Variants in VPS33B observed in about 807,000 individuals in gnomAD.
The protein encoded by VPS33B is VPS33B late endosome and lysosome associated, also known as vacuolar protein sorting-associated protein 33B.
VPS33B carries 80 observed loss-of-function variants against 95.3 expected under a neutral mutation model. The ratio of observed to expected loss-of-function variants is 0.84; its 90% CI spans 0.70 to 1.01. The LOEUF is 1.01. Among genes scored for constraint, VPS33B ranks in the 50% least tolerant of loss-of-function variants. The pLI is 0.00. For synonymous variants in VPS33B, 280 were observed against 280.4 expected, an observed-to-expected ratio of 1.00 and a Z score of 0.01; for missense variants, 715 against 773.4, an observed-to-expected ratio of 0.92 and a Z score of 0.90.
chr15:90,999,318 GTTTT>G lies in VPS33B; in HGVS notation c.1775-268_1775-265del, dbSNP rs199831273. 1 of 405,644 alleles carries G rather than the reference GTTTT, an allele frequency of 2.5e-6. No homozygotes were observed. The highest frequency in any genetic ancestry group is 4.5e-6 in the Non-Finnish European group (1 of 220,104). The allele number at this position is 405,644 out of a possible 1,614,324, so 25.1% of individuals were successfully genotyped here. ...TATTCCTGTGCAGGACACTTTGCGT[GTTTT>G]TTTTTTTTCTCTTGAGATGGAGTTT... On this transcript the variant is annotated intron_variant, in intron 22 of 22. Transcript: ENST00000333371. This position sits in a 1 kb window ranked among gnomAD's most constrained non-coding sequence, Gnocchi z 5.1.
In VPS33B at chr15:91,013,731, G is replaced by A; in HGVS notation, c.357+73C>T. On this transcript the variant is annotated intron_variant, in intron 5 of 22. Transcript: ENST00000333371. The surrounding 1 kb of genome is among the most constrained non-coding windows in gnomAD (Gnocchi z 4.5). ...CGAACGGAGACAGGGAGGTAGTGCT[G>A]TTGGCCCCTTACCCCTGCCCGGTCC... The A allele has an allele frequency of 1.3e-6, 2 of 1,517,272 alleles. No individual in the cohort carries two copies. The highest frequency in any genetic ancestry group is 2.2e-5 in the South Asian group (2 of 89,094). The allele number at this position is 1,517,272 out of a possible 1,614,324, so 94.0% of individuals were successfully genotyped here.
rs1372303037 is a variant in VPS33B at position 91,011,351 on chromosome 15, T to C, written c.358-1505A>G. Among the ~76,000 whole-genome samples the C allele has an allele frequency of 6.6e-6, 1 of 152,204 alleles. No individual in the cohort carries two copies. The highest frequency in any genetic ancestry group is 1.5e-5 in the Non-Finnish European group (1 of 68,034). On this transcript the variant is annotated intron_variant, in intron 5 of 22. Transcript: ENST00000333371. The surrounding 1 kb of genome is among the most constrained non-coding windows in gnomAD (Gnocchi z 5.5). ...ATCTTCATACTAGCTCTGTGAGATG[T>C]AGATCAATGCTACGTGCTCCTTATT...
intron 1 of VPS33B, among the ~76,000 whole-genome samples, chr15:91,021,521 A>C (rs2041101378): frequency 6.6e-6 from 1 of 152,132 alleles, no homozygotes; most frequent in Non-Finnish European, 1.5e-5. Context: ...TTACGCCACC[A>C]CACACATCAC....
intron 2 of VPS33B, 30 bp from the exon 3 acceptor site, chr15:91,017,054 C>T (rs1445199571): frequency 1.9e-6 from 3 of 1,609,378 alleles, no homozygotes; most frequent in Non-Finnish European, 2.6e-6. Context: ...AGACAATGGA[C>T]ATAAGAGTGC....
In VPS33B at chr15:91,006,124, A is replaced by G; in HGVS notation, c.853-65T>C. ...AACCATAACTTAGCAGTAGAATGAC[A>G]GTACAGGAAGGGTACTCAGGTGTTC... is the stretch of plus-strand genomic sequence containing the variant. On this transcript the variant is annotated intron_variant, in intron 11 of 22. Transcript: ENST00000333371. This position sits in a 1 kb window ranked among gnomAD's most constrained non-coding sequence, Gnocchi z 5.4. The G allele has an allele frequency of 6.4e-7, 1 of 1,563,396 alleles. No individual in the cohort carries two copies. The highest frequency in any genetic ancestry group is 1.1e-5 in the South Asian group (1 of 89,086).
rs873130 is a variant in VPS33B, at chr15:91,016,848, T to C, written c.239+115A>G. Reference sequence around the variant, plus strand: ...ACAGAAGATTAACCTAGCCATGAAATTGTAAAGTTCAGGGAGGTGAACCAT... The same window carrying C: ...ACAGAAGATTAACCTAGCCATGAAACTGTAAAGTTCAGGGAGGTGAACCAT... On this transcript the variant is annotated intron_variant, in intron 3 of 22. Transcript: ENST00000333371. 0.12 allele frequency: 117,380 copies of C among 1,005,376 alleles called. 12,050 individuals carry two copies. Among genetic ancestry groups the C allele is most frequent in the East Asian group, 0.48 (20,302 of 41,928 alleles). The allele number at this position is 1,005,376 out of a possible 1,614,324, so 62.3% of individuals were successfully genotyped here.
Position 91,006,789 on chromosome 15 carries a change from T to C in VPS33B, c.701-60A>G. Reference sequence around the variant, plus strand: ...CTGACCCAGCCTTCTACACAGCATGTCCAAGGGCAGCTTTGATACTTTCCA... The same window carrying C: ...CTGACCCAGCCTTCTACACAGCATGCCCAAGGGCAGCTTTGATACTTTCCA... On this transcript the variant is annotated intron_variant, in intron 9 of 22. Coordinates refer to ENST00000333371, the MANE Select transcript of VPS33B (RefSeq NM_018668.5). This position sits in a 1 kb window ranked among gnomAD's most constrained non-coding sequence, Gnocchi z 5.4. 6.2e-7 allele frequency: 1 copy of C among 1,605,660 alleles called. No homozygotes were observed. Among genetic ancestry groups the C allele is most frequent in the Non-Finnish European group, 8.5e-7 (1 of 1,172,400 alleles).
rs536311531 is a variant in VPS33B at position 91,014,502 on chromosome 15, T to TCTTCTAAGTTG, written c.240-70_240-69insCAACTTAGAAG. ...AGTTGGATAGCAACTTAGAAGAAAC[T>TCTTCTAAGTTG]GAAACAATACCAACTCTTTTGCCAT... On this transcript the variant is annotated intron_variant, in intron 3 of 22. Transcript: ENST00000333371. The TCTTCTAAGTTG allele has an allele frequency of 2.1e-4, 323 of 1,549,736 alleles. No homozygotes were observed. The African/African-American group carries it at 3.5e-3, about 17-fold the overall frequency.
At chr15:91,019,057 C>T (rs761519043) in intron 1 of VPS33B, among the ~76,000 whole-genome samples, 28 of 150,300 alleles carry the variant, frequency 1.9e-4, no homozygotes, top group Non-Finnish European at 3.4e-4. Context: ...TCATGATCCA[C>T]CTGCCTCGGC....
At chr15:91,004,427 C>T (rs966750648) in intron 16 of VPS33B, among the ~76,000 whole-genome samples, 4 of 152,072 alleles carry the variant, frequency 2.6e-5, no homozygotes, top group Non-Finnish European at 5.9e-5. Flanking sequence ...TCACTTGAAC[C>T]CAGGAGGTGG....
chr15:91,000,875 A>T lies in VPS33B; in HGVS notation c.1480-284T>A. 1 of 445,950 alleles carries T rather than the reference A, an allele frequency of 2.2e-6. No homozygotes were observed. Among genetic ancestry groups the T allele is most frequent in the Admixed American group, 3.5e-5 (1 of 28,740 alleles). The allele number at this position is 445,950 out of a possible 1,614,324, so 27.6% of individuals were successfully genotyped here. A position where few individuals can be genotyped will look rare whatever the true frequency, so the allele number is the denominator to read the frequency against. On this transcript the variant is annotated intron_variant, in intron 19 of 22. Coordinates refer to ENST00000333371, the MANE Select transcript of VPS33B (RefSeq NM_018668.5). The surrounding 1 kb of genome is among the most constrained non-coding windows in gnomAD (Gnocchi z 4.9). ...TTAAGTGACACAGGATATGGTTGTC[A>T]CTGAAGCAGCACTTAGAATATTCTC... is the stretch of plus-strand genomic sequence containing the variant.
rs1205746886 is a variant in VPS33B at position 90,999,740 on chromosome 15, C to T, written c.1711G>A (p.Val571Met). ...SSESLRLILVVFLGGCTFSEI... is the reference protein window; with the variant it reads ...SSESLRLILVMFLGGCTFSEI... The stretch of plus-strand genomic sequence containing the variant: ...GAGAATGTACAACCACCCAAGAACA[C>T]CACCAAGATGAGGCGCAGGGACTCA... The change falls in exon 22 of 23, where the codon GTG becomes ATG. Residue 571 changes from valine to methionine, a missense_variant. Physicochemically the swap from Val to Met is conservative, Grantham distance 21. Transcript: ENST00000333371. This position sits in a 1 kb window ranked among gnomAD's most constrained non-coding sequence, Gnocchi z 5.1. The T allele has an allele frequency of 6.2e-7, 1 of 1,614,190 alleles. No homozygotes were observed. The highest frequency in any genetic ancestry group is 1.3e-5 in the African/African-American group (1 of 75,044).
Position 91,013,584 on chromosome 15 carries a change from A to C in VPS33B, c.357+220T>G, listed in dbSNP as rs1353704503. Among the ~76,000 whole-genome samples the C allele has an allele frequency of 6.6e-6, 1 of 152,014 alleles. No homozygotes were observed. On this transcript the variant is annotated intron_variant, in intron 5 of 22. Coordinates refer to ENST00000333371, the MANE Select transcript of VPS33B (RefSeq NM_018668.5). The surrounding 1 kb of genome is among the most constrained non-coding windows in gnomAD (Gnocchi z 4.5). Reference sequence around the variant, plus strand: ...CCTTCCACCCTTCTGCCATGGGATGACCCTCGCCAGATGCCAGCCCCACAG... The same window carrying C: ...CCTTCCACCCTTCTGCCATGGGATGCCCCTCGCCAGATGCCAGCCCCACAG...
chr15:90,999,808 C>T lies in VPS33B; in HGVS notation c.1658-15G>A, dbSNP rs764092380. 4 of 1,614,102 alleles carry T rather than the reference C, an allele frequency of 2.5e-6. No homozygotes were observed. The highest frequency in any genetic ancestry group is 1.3e-5 in the African/African-American group (1 of 75,024). On this transcript the variant is annotated splice_polypyrimidine_tract_variant and intron_variant, in intron 21 of 22. Coordinates refer to ENST00000333371, the MANE Select transcript of VPS33B (RefSeq NM_018668.5). The surrounding 1 kb of genome is among the most constrained non-coding windows in gnomAD (Gnocchi z 5.1). The stretch of plus-strand genomic sequence containing the variant: ...CTTAGTCATATCTGTGAGGATCAGA[C>T]CAGATTCAGCCCTTCCCTGACATGC...
At chr15:91,017,687 C>G in intron 2 of VPS33B, 118 bp downstream of exon 2, 1 of 977,838 alleles carries the variant, frequency 1.0e-6, no homozygotes. Context: ...CTTTTCTACC[C>G]AATTAAGCTA....
chr15:91,017,956 C>G (rs1047284745), intron 1 of VPS33B, 71 bp from the exon 2 acceptor site: 2 of 1,416,752 alleles, frequency 1.4e-6, no homozygotes, highest in African/African-American at 2.8e-5. Context: ...GTGGCCCAGC[C>G]ACCCATCTAA....
Position 91,007,171 on chromosome 15 carries a change from A to G in VPS33B, c.604-125T>C, listed in dbSNP as rs1327226040. Reference sequence around the variant, plus strand: ...CCCGAGACAGGAGCTAATTATTCACAATATGGCCCTATCTACTCCCGTCTG... The same window carrying G: ...CCCGAGACAGGAGCTAATTATTCACGATATGGCCCTATCTACTCCCGTCTG... On this transcript the variant is annotated intron_variant, in intron 8 of 22. Transcript: ENST00000333371. This position sits in a 1 kb window ranked among gnomAD's most constrained non-coding sequence, Gnocchi z 5.3. 23 of 1,024,076 alleles carry G rather than the reference A, an allele frequency of 2.2e-5. No homozygotes were observed. The highest frequency in any genetic ancestry group is 3.5e-5 in the Non-Finnish European group (23 of 663,394). 63.4% of individuals were successfully genotyped at this position (1,024,076 alleles called of 1,614,324 possible).
Position 91,002,203 on chromosome 15 carries a change from CTATT to C in VPS33B, c.1273-25_1273-22del, listed in dbSNP as rs1443933776. ...TAGCTCTGAAGAAGATGCAATTAGACTATTTACTGAGTGTCCAAAGAGCATCTAG... is the reference window on the plus strand; with the variant it reads ...TAGCTCTGAAGAAGATGCAATTAGACTACTGAGTGTCCAAAGAGCATCTAG... On this transcript the variant is annotated intron_variant, in intron 17 of 22. Coordinates refer to ENST00000333371, the MANE Select transcript of VPS33B (RefSeq NM_018668.5). The surrounding 1 kb of genome is among the most constrained non-coding windows in gnomAD (Gnocchi z 4.7). 1.9e-5 allele frequency: 30 copies of C among 1,613,794 alleles called. No homozygotes were observed. The highest frequency in any genetic ancestry group is 2.5e-5 in the Non-Finnish European group (29 of 1,179,930).
chr15:91,006,194 A>G lies in VPS33B; in HGVS notation c.853-135T>C. The G allele has an allele frequency of 1.5e-6, 2 of 1,326,858 alleles. No individual in the cohort carries two copies. Among genetic ancestry groups the G allele is most frequent in the Non-Finnish European group, 2.1e-6 (2 of 932,048 alleles). The allele number at this position is 1,326,858 out of a possible 1,614,324, so 82.2% of individuals were successfully genotyped here. A position where few individuals can be genotyped will look rare whatever the true frequency, so the allele number is the denominator to read the frequency against. On this transcript the variant is annotated intron_variant, in intron 11 of 22. Transcript: ENST00000333371. The surrounding 1 kb of genome is among the most constrained non-coding windows in gnomAD (Gnocchi z 5.4). ...GCTGAGCTGGGATCTGTAAGTCCAT[A>G]TCAAATGCCTACACCGTGTTCTAGG...
Sources: gnomAD v4.1 joint callset for allele counts (sites outside exome capture counted in the v4.1 genomes callset) on GRCh38, gnomAD v4.1.1 for gene constraint, Gnocchi (gnomAD v3.1) non-coding constraint, MANE v1.5 for transcripts, NCBI Gene and HGNC (gene_info 2026-07-23, HGNC 2026-07-21) for gene names.